The following ZFP92 variants were observed in gnomAD, a reference collection of about 807,000 sequenced individuals.
ZFP92 encodes the protein zinc finger protein 92 homolog.
In ZFP92, 2 loss-of-function variants were observed where a neutral mutation model predicts 7.6. That is an observed-to-expected ratio of 0.26 (90% confidence interval 0.11 to 0.83). The LOEUF (loss-of-function observed/expected upper bound fraction) is 0.83, where lower values mean the gene tolerates loss of function less well. Among genes scored for constraint, ZFP92 ranks in the 40% least tolerant of loss-of-function variants. ZFP92 has a pLI of 0.65. For missense variants in ZFP92, 324 were observed against 408.3 expected (o/e 0.79, Z 1.78); for synonymous variants, 226 against 183.6 (o/e 1.23, Z -1.87).
At chrX:153,413,374 C>G (rs1556973278) in intron 2 of ZFP92, among the ~76,000 whole-genome samples, 1 of 106,234 alleles carries the variant, frequency 9.4e-6, no homozygotes, top group Admixed American at 1.0e-4. Flanking sequence ...GCTCTCATCC[C>G]CTTCCCAGCC....
intron 4 of ZFP92, among the ~76,000 whole-genome samples, 197 bp from the exon 5 acceptor site, chrX:153,420,031 G>A (rs890438415): frequency 1.2e-4 from 13 of 112,308 alleles, no homozygotes; most frequent in African/African-American, 3.6e-4. Context: ...GAAGATCTCC[G>A]TGCCCACCTG....
At position 153,418,346 on chromosome X, in the gene ZFP92, G is replaced by A. The variant is rs375353586; in HGVS notation, c.24G>A (p.Thr8=). ...TGATGGCAGCCATTCTCCTGACCAC[G>A]AGACCCAAGGTGAGTGGTGGCCCCT... MAAILLT[T]RPKVPVSFED... Residue 8 remains threonine, a synonymous_variant, in exon 3 of 6, where the codon ACG becomes ACA. Coordinates refer to ENST00000338647, the MANE Select transcript of ZFP92 (RefSeq NM_001136273.2). 202 of 1,165,489 alleles carry A rather than the reference G, an allele frequency of 1.7e-4. No individual in the cohort carries two copies. The highest frequency in any genetic ancestry group is 2.3e-4 in the Middle Eastern group (1 of 4,325).
intron 2 of ZFP92, among the ~76,000 whole-genome samples, 87 bp downstream of exon 2, chrX:153,412,100 C>T (rs1156461225): frequency 8.9e-6 from 1 of 112,871 alleles, no homozygotes; most frequent in Non-Finnish European, 1.9e-5. Context: ...AGGCACCGGC[C>T]CTGAGGGTCT....
At chrX:153,412,905 G>C (rs2088920459) in intron 2 of ZFP92, among the ~76,000 whole-genome samples, 1 of 112,192 alleles carries the variant, frequency 8.9e-6, no homozygotes, top group Admixed American at 9.3e-5. Context: ...GTTACCCTCT[G>C]CCCCCAGAGG....
chrX:153,421,740 C>A lies in ZFP92; in HGVS notation c.*112C>A. On this transcript the variant is annotated 3_prime_UTR_variant, in exon 6 of 6. Coordinates refer to ENST00000338647, the MANE Select transcript of ZFP92 (RefSeq NM_001136273.2). ...GACCGCCCTCCCAGGGCCTCGATTG[C>A]GGCCACAGCCCTGACCTCTTTGGCC... 1 of 849,833 alleles carries A rather than the reference C, an allele frequency of 1.2e-6. No homozygotes were observed. The highest frequency in any genetic ancestry group is 1.5e-6 in the Non-Finnish European group (1 of 687,195). The allele number at this position is 849,833 out of a possible 1,213,427, so 70.0% of individuals were successfully genotyped here.
intron 4 of ZFP92, 40 bp downstream of exon 4, chrX:153,418,839 C>T: frequency 1.7e-6 from 2 of 1,147,185 alleles, no homozygotes; most frequent in Non-Finnish European, 2.3e-6. Context: ...CCCAGTCCCA[C>T]CTACTCTGTC....
At position 153,418,365 on chromosome X, in the gene ZFP92, G is replaced by A; in HGVS notation, c.33+10G>A. 4.3e-6 allele frequency: 5 copies of A among 1,166,759 alleles called. No individual in the cohort carries two copies. Among genetic ancestry groups the A allele is most frequent in the Non-Finnish European group, 5.7e-6 (5 of 872,430 alleles). ...GACCACGAGACCCAAGGTGAGTGGTGGCCCCTCTCCCTGGCCTCTCCCCCT... is the reference window on the plus strand; with the variant it reads ...GACCACGAGACCCAAGGTGAGTGGTAGCCCCTCTCCCTGGCCTCTCCCCCT... On this transcript the variant is annotated intron_variant, in intron 3 of 5. Coordinates refer to ENST00000338647, the MANE Select transcript of ZFP92 (RefSeq NM_001136273.2).
At chrX:153,412,958 T>C (rs1303999728) in intron 2 of ZFP92, among the ~76,000 whole-genome samples, 2 of 111,707 alleles carry the variant, frequency 1.8e-5, no homozygotes, top group African/African-American at 6.5e-5. Context: ...AGAGGACTTT[T>C]TCAGGCTAGG....
chrX:153,417,516 G>A (rs191421398), intron 2 of ZFP92, among the ~76,000 whole-genome samples: 268 of 112,170 alleles, frequency 2.4e-3, no homozygotes, highest in Non-Finnish European at 3.7e-3. Flanking sequence ...GTTTCCTTAA[G>A]AATCCCGACC....
At chrX:153,420,029 C>G (rs2088985346) in intron 4 of ZFP92, among the ~76,000 whole-genome samples, 199 bp from the exon 5 acceptor site, 1 of 112,500 alleles carries the variant, frequency 8.9e-6, no homozygotes, top group Non-Finnish European at 1.9e-5. Context: ...CTGAAGATCT[C>G]CGTGCCCACC....
chrX:153,423,003 G>A lies in ZFP92; in HGVS notation c.*1375G>A, dbSNP rs981075383. 7.1e-5 allele frequency: 8 copies of A among 112,224 alleles called. No individual in the cohort carries two copies. Among genetic ancestry groups the A allele is most frequent in the Non-Finnish European group, 1.3e-4 (7 of 53,211 alleles). 9.2% of individuals were successfully genotyped at this position (112,224 alleles called of 1,213,427 possible). On this transcript the variant is annotated 3_prime_UTR_variant, in exon 6 of 6. Transcript: ENST00000338647. ...TCTTCCCCTTAGCCCTGCAGAAACA[G>A]GGCAGACTCTTCAAATGGCACTTTA...
At chrX:153,416,264 C>T (rs2088950545) in intron 2 of ZFP92, among the ~76,000 whole-genome samples, 1 of 111,682 alleles carries the variant, frequency 9.0e-6, no homozygotes, top group African/African-American at 3.3e-5. Context: ...CTGTCCCACC[C>T]TATGTCCCAC....
rs782757018 is a variant in ZFP92 at position 153,423,655 on chromosome X, C to A, written c.*2027C>A. 8.8e-6 allele frequency: 1 copy of A among 113,519 alleles called. No individual in the cohort carries two copies. Among genetic ancestry groups the A allele is most frequent in the Admixed American group, 9.2e-5 (1 of 10,828 alleles). The allele number at this position is 113,519 out of a possible 1,213,427, so 9.4% of individuals were successfully genotyped here. On this transcript the variant is annotated 3_prime_UTR_variant, in exon 6 of 6. Transcript: ENST00000338647. ...AGTGAAATAGGTCTTGCAGTCCTAG[C>A]ACCTCAGACTCAGGCTTGGGACCAT...
chrX:153,418,271 T>G, intron 2 of ZFP92, 34 bp from the exon 3 acceptor site: 1 of 1,166,330 alleles, frequency 8.6e-7, no homozygotes, highest in Non-Finnish European at 1.1e-6. Flanking sequence ...CAGGCTGCCC[T>G]GGGCTCACAG....
At position 153,420,980 on chromosome X, in the gene ZFP92, C is replaced by A; in HGVS notation, c.603C>A (p.Ile201=). 1 of 1,196,177 alleles carries A rather than the reference C, an allele frequency of 8.4e-7. No individual in the cohort carries two copies. The highest frequency in any genetic ancestry group is 1.8e-5 in the South Asian group (1 of 55,405). The change falls in exon 6 of 6, where the codon ATC becomes ATA. Residue 201 remains isoleucine, a synonymous_variant. Coordinates refer to ENST00000338647, the MANE Select transcript of ZFP92 (RefSeq NM_001136273.2). ...RSFALLEHQR[I]HSGEKPYACP... ...TCGCGCTCCTGGAGCACCAGCGCAT[C>A]CACAGCGGCGAGAAGCCCTACGCCT...
In ZFP92 at chrX:153,420,816, G is replaced by A. The variant is rs2088993051; in HGVS notation, c.439G>A (p.Gly147Ser). ...SSAAGPQGPKGAEKRYLCQQC... is the reference protein window; with the variant it reads ...SSAAGPQGPKSAEKRYLCQQC... The stretch of plus-strand genomic sequence containing the variant: ...GGCTGCGGGGCCGCAGGGCCCCAAA[G>A]GCGCGGAGAAGCGGTACCTGTGCCA... The change falls in exon 6 of 6, where the codon GGC becomes AGC. Residue 147 changes from glycine to serine, a missense_variant. Physicochemically the swap from Gly to Ser is moderately conservative, Grantham distance 56 (BLOSUM62 0). Transcript: ENST00000338647. The A allele has an allele frequency of 8.5e-7, 1 of 1,170,564 alleles. No individual in the cohort carries two copies.
rs782379832 is a variant in ZFP92, at chrX:153,415,385, A to G, written c.-18-2920A>G. Among the ~76,000 whole-genome samples the G allele has an allele frequency of 1.3e-3, 147 of 112,723 alleles. 1 individual carries two copies. The highest frequency in any genetic ancestry group is 2.1e-3 in the Non-Finnish European group (114 of 53,302). On this transcript the variant is annotated intron_variant, in intron 2 of 5. Coordinates refer to ENST00000338647, the MANE Select transcript of ZFP92 (RefSeq NM_001136273.2). ...CTGCATCTGGCTTCTTTCACTGAGC[A>G]GTGTCCTCAGGGTTCATCCACATGG...
At position 153,424,275 on chromosome X, in the gene ZFP92, G is replaced by A. The variant is rs1420979396; in HGVS notation, c.*2647G>A. 9.0e-6 allele frequency: 1 copy of A among 111,654 alleles called. No individual in the cohort carries two copies. Among genetic ancestry groups the A allele is most frequent in the Non-Finnish European group, 1.9e-5 (1 of 53,099 alleles). The allele number at this position is 111,654 out of a possible 1,213,427, so 9.2% of individuals were successfully genotyped here. A position where few individuals can be genotyped will look rare whatever the true frequency, so the allele number is the denominator to read the frequency against. On this transcript the variant is annotated 3_prime_UTR_variant, in exon 6 of 6. Transcript: ENST00000338647. ...GTCCCCAGTGCTTACTTAGATAAATGGCATTTAAAATAGTGCAGCCTTTTA... is the reference window on the plus strand; with the variant it reads ...GTCCCCAGTGCTTACTTAGATAAATAGCATTTAAAATAGTGCAGCCTTTTA...
chrX:153,419,241 A>G (rs782158749), intron 4 of ZFP92, among the ~76,000 whole-genome samples: 3 of 112,859 alleles, frequency 2.7e-5, no homozygotes, highest in South Asian at 7.3e-4. Flanking sequence ...GGTCCCACAT[A>G]AGGACAAAGT....
Sources: gnomAD v4.1 joint callset for allele counts (sites outside exome capture counted in the v4.1 genomes callset) on GRCh38, gnomAD v4.1.1 for gene constraint, MANE v1.5 for transcripts, NCBI Gene and HGNC (gene_info 2026-07-23, HGNC 2026-07-21) for gene names.